Variants in ADCY10 observed in about 807,000 individuals in gnomAD.
The protein encoded by ADCY10 is adenylate cyclase type 10.
ADCY10 carries 156 observed loss-of-function variants against 183.3 expected under a neutral mutation model. That is an observed-to-expected ratio of 0.85 (90% confidence interval 0.75 to 0.97). The LOEUF is 0.97. ADCY10 is among the 50% of genes least tolerant of loss of function. ADCY10 has a pLI of 0.00. For missense variants in ADCY10, 1,745 were observed against 1,934.3 expected (o/e 0.90, Z 1.84); for synonymous variants, 645 against 670.0 (o/e 0.96, Z 0.58).
rs1186181573 is a variant in ADCY10 at position 167,833,158 on chromosome 1, C to G, written c.3422G>C (p.Cys1141Ser). The part of the protein sequence containing the change: ...ATFYSLKGEV[C>S]FNMGQIVLAK... The stretch of plus-strand genomic sequence containing the variant: ...AAGCACTATCTGGCCCATATTGAAA[C>G]AGACCTACAGGGAGGTGGGAGGGAA... The change falls in exon 25 of 33, where the codon TGT becomes TCT. Residue 1141 changes from cysteine to serine, a missense_variant. Transcript: ENST00000367851. 3.1e-6 allele frequency: 5 copies of G among 1,613,922 alleles called. No individual in the cohort carries two copies. The Admixed American group carries it at 6.7e-5, about 22-fold the overall frequency.
chr1:167,899,273 A>G, intron 6 of ADCY10, 150 bp downstream of exon 6: 1 of 774,666 alleles, frequency 1.3e-6, no homozygotes, highest in Non-Finnish European at 2.2e-6. Flanking sequence ...GCTGCCCTGG[A>G]CTAAAGCCTC....
chr1:167,862,485 A>G (rs1025046655), intron 14 of ADCY10, among the ~76,000 whole-genome samples: 2 of 152,154 alleles, frequency 1.3e-5, no homozygotes, highest in African/African-American at 4.8e-5. Flanking sequence ...GTGGGCATGA[A>G]ACAGATTCTT....
At chr1:167,880,350 A>G (rs1667784634) in intron 10 of ADCY10, 141 bp downstream of exon 10, 1 of 948,904 alleles carries the variant, frequency 1.1e-6, no homozygotes, top group Non-Finnish European at 1.7e-6. Flanking sequence ...TGGCCCGGAG[A>G]TGCGAAGGAG....
Position 167,846,024 on chromosome 1 carries a change from G to T in ADCY10, c.2677C>A (p.His893Asn). 1 of 1,614,202 alleles carries T rather than the reference G, an allele frequency of 6.2e-7. No homozygotes were observed. Residue 893 changes from histidine (H) to asparagine (N), a missense_variant, in exon 20 of 33, where the codon CAC becomes AAC. His to Asn is a moderately conservative substitution (Grantham distance 68, BLOSUM62 1). Transcript: ENST00000367851. ...GGCTTCAGAGACAAGGAACGATAGT[G>T]CACCTCAAATGAGGGATCATTCTGT... ...LKQNDPSFEV[H>N]YRSLSLKPSE...
At chr1:167,823,212 G>A (rs1295870056) in intron 28 of ADCY10, 89 bp from the exon 29 acceptor site, 4 of 1,101,632 alleles carry the variant, frequency 3.6e-6, no homozygotes, top group Non-Finnish European at 5.4e-6. Flanking sequence ...GGATCACGAG[G>A]TCAGGAGTTC....
chr1:167,854,262 C>T, intron 18 of ADCY10, 91 bp downstream of exon 18: 2 of 1,504,746 alleles, frequency 1.3e-6, no homozygotes, highest in Admixed American at 1.7e-5. Flanking sequence ...AGGAAGCAGC[C>T]TGTGGAATAG....
At chr1:167,852,946 G>A (rs1665607411) in intron 18 of ADCY10, among the ~76,000 whole-genome samples, 1 of 152,184 alleles carries the variant, frequency 6.6e-6, no homozygotes, top group Non-Finnish European at 1.5e-5. Flanking sequence ...GGACATCTGA[G>A]CATCATTCAT....
intron 1 of ADCY10, among the ~76,000 whole-genome samples, chr1:167,907,402 A>G (rs1203195563): frequency 5.3e-5 from 8 of 152,192 alleles, no homozygotes; most frequent in Non-Finnish European, 8.8e-5. Context: ...TGTGGGTTGT[A>G]TGGGGTTCTC....
intron 31 of ADCY10, among the ~76,000 whole-genome samples, chr1:167,812,744 A>G (rs1235208016): frequency 2.0e-5 from 3 of 152,196 alleles, no homozygotes; most frequent in Non-Finnish European, 4.4e-5. Flanking sequence ...CAAAGAACTA[A>G]AGGAAAATGT....
intron 30 of ADCY10, chr1:167,821,069 TTAAGA>T (rs1662881395): frequency 6.6e-6 from 1 of 152,216 alleles, no homozygotes; most frequent in Non-Finnish European, 1.5e-5. Flanking sequence ...TTGCATATAA[TTAAGA>T]TAGGAAATAA....
At chr1:167,881,895 A>G (rs1188803571) in intron 9 of ADCY10, among the ~76,000 whole-genome samples, 1 of 152,206 alleles carries the variant, frequency 6.6e-6, no homozygotes, top group East Asian at 1.9e-4. Context: ...ACCAGGCTGG[A>G]AGTAATCCCT....
At chr1:167,863,152 T>C (rs1274423414) in intron 14 of ADCY10, among the ~76,000 whole-genome samples, 2 of 152,108 alleles carry the variant, frequency 1.3e-5, no homozygotes, top group African/African-American at 4.8e-5. Flanking sequence ...AAAAGTGAAA[T>C]TAAAGGCAGA....
chr1:167,901,415 A>G (rs1275858978), intron 5 of ADCY10, among the ~76,000 whole-genome samples: 1 of 152,224 alleles, frequency 6.6e-6, no homozygotes, highest in Non-Finnish European at 1.5e-5. Context: ...CCTATGCATT[A>G]ACTACCATAC....
In ADCY10 at chr1:167,914,018, G is replaced by C. The variant is rs1039804702; in HGVS notation, c.-101C>G. 1 of 152,334 alleles carries C rather than the reference G, an allele frequency of 6.6e-6. No homozygotes were observed. Among genetic ancestry groups the C allele is most frequent in the Non-Finnish European group, 1.5e-5 (1 of 68,132 alleles). The allele number at this position is 152,334 out of a possible 1,614,324, so 9.4% of individuals were successfully genotyped here. ...CTGAGGAAAAGCCAGACCTCAGTTA[G>C]GGACTAGGTCTTTTAAGACTGCAGA... On this transcript the variant is annotated 5_prime_UTR_variant, in exon 1 of 33. Coordinates refer to ENST00000367851, the MANE Select transcript of ADCY10 (RefSeq NM_018417.6).
intron 30 of ADCY10, among the ~76,000 whole-genome samples, chr1:167,821,496 T>C (rs1351943118): frequency 1.3e-5 from 2 of 152,250 alleles, no homozygotes. Context: ...AGTGTGATAC[T>C]GATCTCTCTG....
At chr1:167,821,533 T>C (rs997471673) in intron 30 of ADCY10, among the ~76,000 whole-genome samples, 3 of 152,204 alleles carry the variant, frequency 2.0e-5, no homozygotes, top group African/African-American at 7.2e-5. Flanking sequence ...TCCATGTGAG[T>C]AGACCTACAG....
chr1:167,895,942 G>A (rs184886370), intron 7 of ADCY10, among the ~76,000 whole-genome samples: 11 of 152,244 alleles, frequency 7.2e-5, no homozygotes, highest in Admixed American at 1.3e-4. Context: ...GATTTGAGAC[G>A]TAAAGGCAAA....
rs774417777 is a variant in ADCY10, at chr1:167,822,135, A to G, written c.4175T>C (p.Val1392Ala). 7.0e-6 allele frequency: 11 copies of G among 1,567,450 alleles called. No individual in the cohort carries two copies. Among genetic ancestry groups the G allele is most frequent in the Non-Finnish European group, 9.7e-6 (11 of 1,137,548 alleles). The stretch of plus-strand genomic sequence containing the variant: ...CAAACATTCTTCAAATGTTCTATAA[A>G]CAAAACCTAAGAGAGAGAGGAATGG... ...CLDILLYSGFVYRTFEECLEF... is the reference protein window; with the variant it reads ...CLDILLYSGFAYRTFEECLEF... The change falls in exon 30 of 33, where the codon GTT (valine) becomes GCT (alanine). Residue 1392 changes from valine (V) to alanine (A), a missense_variant. Physicochemically the swap from Val to Ala is moderately conservative, Grantham distance 64. Transcript: ENST00000367851.
chr1:167,822,708 G>A (rs1662987122), intron 29 of ADCY10, among the ~76,000 whole-genome samples: 1 of 152,186 alleles, frequency 6.6e-6, no homozygotes, highest in Non-Finnish European at 1.5e-5. Context: ...CCTGGTAAAA[G>A]GCACATAGTA....
Sources: allele counts gnomAD v4.1 joint callset (sites outside exome capture counted in the v4.1 genomes callset), GRCh38; gene constraint gnomAD v4.1.1; transcripts MANE v1.5; gene names NCBI Gene and HGNC (gene_info 2026-07-23, HGNC 2026-07-21).